The following NCAM2 variants were observed in gnomAD, a reference collection of about 807,000 sequenced individuals.
NCAM2 encodes N-CAM-2.
A neutral mutation model predicts 98.1 loss-of-function variants in NCAM2; 30 were observed. The observed-to-expected ratio is 0.31, with a 90% confidence interval of 0.23 to 0.41. The LOEUF (loss-of-function observed/expected upper bound fraction) is 0.41, where lower values mean the gene tolerates loss of function less well. NCAM2 is among the 10% of genes least tolerant of loss of function. The pLI is 1.00. For synonymous variants in NCAM2, 368 were observed against 342.4 expected (o/e 1.07, Z -0.83); for missense variants, 867 against 1,005.8 (o/e 0.86, Z 1.87).
intron 1 of NCAM2, among the ~76,000 whole-genome samples, chr21:21,236,033 C>T (rs2070806370): frequency 6.6e-6 from 1 of 151,998 alleles, no homozygotes; most frequent in African/African-American, 2.4e-5. Context: ...CATTACCATT[C>T]TTAACTCATG....
In NCAM2 at chr21:21,400,025, G is replaced by A. The variant is rs1053792982; in HGVS notation, c.1196-10249G>A. Among the ~76,000 whole-genome samples the A allele has an allele frequency of 5.9e-5, 9 of 152,302 alleles. No homozygotes were observed. In the South Asian group the frequency reaches 1.4e-3, roughly 25 times the overall value. On this transcript the variant is annotated intron_variant, in intron 9 of 17. Transcript: ENST00000400546. Reference sequence around the variant, plus strand: ...CAGAATAAGAAAAAAAAGAGGCAGGGAGGGGGCATTTATCAAAACAAGTAT... The same window carrying A: ...CAGAATAAGAAAAAAAAGAGGCAGGAAGGGGGCATTTATCAAAACAAGTAT...
intron 1 of NCAM2, among the ~76,000 whole-genome samples, chr21:21,112,155 T>TTAAAACGGCATAAAAGCAAAAA (rs2066466255): frequency 6.6e-6 from 1 of 152,198 alleles, no homozygotes; most frequent in Admixed American, 6.5e-5. Flanking sequence ...AAATAGCTTT[T>TTAAAACGGCATAAAAGCAAAAA]GCTTTCTTTT....
chr21:21,238,897 A>C (rs2070951633), intron 1 of NCAM2, among the ~76,000 whole-genome samples: 1 of 152,184 alleles, frequency 6.6e-6, no homozygotes, highest in Non-Finnish European at 1.5e-5. Flanking sequence ...CACATGGCGT[A>C]ATCTTCTCAG....
At chr21:21,390,960 AAAAC>A (rs2076367877) in intron 9 of NCAM2, among the ~76,000 whole-genome samples, 2 of 152,242 alleles carry the variant, frequency 1.3e-5, no homozygotes, top group Admixed American at 6.5e-5. Flanking sequence ...ATTGATAAGA[AAAAC>A]AAACAATATT....
intron 8 of NCAM2, among the ~76,000 whole-genome samples, chr21:21,368,577 G>A (rs528335296): frequency 6.6e-6 from 1 of 152,010 alleles, no homozygotes; most frequent in African/African-American, 2.4e-5. Flanking sequence ...GATTTGAGGT[G>A]TGCTGAGGGC....
intron 2 of NCAM2, among the ~76,000 whole-genome samples, chr21:21,281,216 C>A (rs1573358): frequency 0.83 from 126,155 of 152,160 alleles, 52,574 homozygotes; most frequent in East Asian, 0.99. Flanking sequence ...TTTGAAAATA[C>A]CTTATGCTTG....
intron 1 of NCAM2, among the ~76,000 whole-genome samples, chr21:21,056,578 T>TGA (rs977656768): frequency 8.2e-6 from 1 of 122,480 alleles, no homozygotes; most frequent in Non-Finnish European, 1.8e-5. Context: ...AGAGAGATAG[T>TGA]GAGAGAGAGA....
chr21:21,113,820 T>G (rs905878128), intron 1 of NCAM2, among the ~76,000 whole-genome samples: 2 of 152,196 alleles, frequency 1.3e-5, no homozygotes, highest in Non-Finnish European at 2.9e-5. Flanking sequence ...CTCTTTTTTT[T>G]GATTGGCCTC....
In NCAM2 at chr21:21,541,582, T is replaced by A. The variant is rs1990233451; in HGVS notation, c.*3625T>A. The A allele has an allele frequency of 6.6e-6, 1 of 151,752 alleles. No homozygotes were observed. Among genetic ancestry groups the A allele is most frequent in the Admixed American group, 6.6e-5 (1 of 15,194 alleles). 9.4% of individuals were successfully genotyped at this position (151,752 alleles called of 1,614,324 possible). A position where few individuals can be genotyped will look rare whatever the true frequency, so the allele number is the denominator to read the frequency against. On this transcript the variant is annotated 3_prime_UTR_variant, in exon 18 of 18. Transcript: ENST00000400546. ...GAAAATCAAGCAAATTACTATGGTG[T>A]TTCTTGGGTCTTCATTATTCCATTT...
intron 9 of NCAM2, among the ~76,000 whole-genome samples, chr21:21,401,031 C>T (rs540137696): frequency 1.3e-5 from 2 of 152,236 alleles, no homozygotes; most frequent in South Asian, 4.1e-4. Flanking sequence ...AAAGGCCAAA[C>T]TTAAAAGCAG....
At chr21:21,147,713 A>G (rs1159071726) in intron 1 of NCAM2, among the ~76,000 whole-genome samples, 1 of 147,018 alleles carries the variant, frequency 6.8e-6, no homozygotes, top group African/African-American at 2.5e-5. Flanking sequence ...TACATATTAT[A>G]TACTATATAT....
intron 11 of NCAM2, among the ~76,000 whole-genome samples, chr21:21,429,689 A>C (rs567585275): frequency 2.0e-5 from 3 of 152,190 alleles, no homozygotes; most frequent in Non-Finnish European, 4.4e-5. Flanking sequence ...GAAGGCCAAA[A>C]CATTATTTAG....
chr21:21,019,903 T>A (rs1176779625), intron 1 of NCAM2, among the ~76,000 whole-genome samples: 2 of 152,212 alleles, frequency 1.3e-5, no homozygotes, highest in Non-Finnish European at 2.9e-5. Context: ...CTGGGTGCTG[T>A]CGTGGTGCAG....
intron 1 of NCAM2, among the ~76,000 whole-genome samples, chr21:21,233,034 C>T (rs1226034381): frequency 6.6e-6 from 1 of 151,512 alleles, no homozygotes; most frequent in African/African-American, 2.4e-5. Flanking sequence ...TGATTTTGCA[C>T]TTTCTATTTT....
At chr21:21,244,169 A>G (rs2147252787) in intron 1 of NCAM2, among the ~76,000 whole-genome samples, 1 of 152,290 alleles carries the variant, frequency 6.6e-6, no homozygotes, top group African/African-American at 2.4e-5. Flanking sequence ...AACACAGGCC[A>G]TCCTCTTTTA....
chr21:21,417,708 A>G (rs975804162), intron 10 of NCAM2, among the ~76,000 whole-genome samples: 3 of 152,062 alleles, frequency 2.0e-5, no homozygotes, highest in African/African-American at 7.2e-5. Context: ...TAACTTAATT[A>G]TGGATTTCAA....
chr21:21,341,977 T>G (rs2075054061), intron 8 of NCAM2, among the ~76,000 whole-genome samples: 1 of 151,830 alleles, frequency 6.6e-6, no homozygotes, highest in Non-Finnish European at 1.5e-5. Context: ...AAAAAAGGAG[T>G]GGTTAGGAAG....
chr21:21,051,659 C>T (rs977582205), intron 1 of NCAM2, among the ~76,000 whole-genome samples: 3 of 152,166 alleles, frequency 2.0e-5, no homozygotes, highest in Non-Finnish European at 2.9e-5. Context: ...ATAATAGGCT[C>T]ATGGCAAACA....
chr21:21,407,796 T>C (rs903619766), intron 9 of NCAM2, among the ~76,000 whole-genome samples: 3 of 152,224 alleles, frequency 2.0e-5, no homozygotes, highest in Admixed American at 6.5e-5. Context: ...CAAGAAATAG[T>C]ATAATGCTAA....
Sources: allele counts gnomAD v4.1 joint callset (sites outside exome capture counted in the v4.1 genomes callset), GRCh38; gene constraint gnomAD v4.1.1; transcripts MANE v1.5; gene names NCBI Gene and HGNC (gene_info 2026-07-23, HGNC 2026-07-21).